Variants in ZNF592 observed in about 807,000 individuals in gnomAD.
ZNF592 encodes the protein zinc finger protein 592.
Under a neutral mutation model 80.3 loss-of-function variants are expected in ZNF592, and 11 were observed. The ratio of observed to expected loss-of-function variants is 0.14; its 90% CI spans 0.09 to 0.23. The LOEUF is 0.23. ZNF592 is among the 10% of genes least tolerant of loss of function. The pLI is 1.00. For synonymous variants in ZNF592, 646 were observed against 640.3 expected (o/e 1.01, Z -0.13); for missense variants, 1,420 against 1,633.9 (o/e 0.87, Z 2.26).
chr15:84,798,407 G>A lies in ZNF592; in HGVS notation c.2669G>A (p.Gly890Asp). Reference protein sequence around the residue: ...FYQNVSKTQVGVFKCPECPLL... With the variant: ...FYQNVSKTQVDVFKCPECPLL... Reference sequence around the variant, plus strand: ...CAGAATGTCAGCAAGACGCAGGTGGGCGTCTTCAAGTGCCCTGAGTGCCCA... The same window carrying A: ...CAGAATGTCAGCAAGACGCAGGTGGACGTCTTCAAGTGCCCTGAGTGCCCA... The change falls in exon 7 of 11, where the codon GGC becomes GAC. Residue 890 changes from glycine to aspartate, a missense_variant. Physicochemically the swap from Gly to Asp is moderately conservative, Grantham distance 94. Transcript: ENST00000560079. This position sits in a 1 kb window ranked among gnomAD's most constrained non-coding sequence, Gnocchi z 4.5. 1 of 1,614,190 alleles carries A rather than the reference G, an allele frequency of 6.2e-7. No individual in the cohort carries two copies. Among genetic ancestry groups the A allele is most frequent in the Non-Finnish European group, 8.5e-7 (1 of 1,180,030 alleles).
At chr15:84,754,233 C>T (rs1269397347) in intron 1 of ZNF592, among the ~76,000 whole-genome samples, 4 of 152,160 alleles carry the variant, frequency 2.6e-5, no homozygotes, top group South Asian at 2.1e-4. Context: ...TTACCTTTTC[C>T]ATTTCAGATT....
chr15:84,784,324 T>C lies in ZNF592; in HGVS notation c.1649T>C (p.Leu550Pro). The C allele has an allele frequency of 1.2e-6, 2 of 1,614,208 alleles. No homozygotes were observed. The highest frequency in any genetic ancestry group is 1.7e-6 in the Non-Finnish European group (2 of 1,180,032). The change falls in exon 4 of 11, where the codon CTG becomes CCG. Residue 550 changes from leucine to proline, a missense_variant. Around this residue, in one of 7 missense-constraint regions of ZNF592, gnomAD observed 524 missense variants for 628.3 expected, o/e 0.83. Transcript: ENST00000560079. This position sits in a 1 kb window ranked among gnomAD's most constrained non-coding sequence, Gnocchi z 5.8. ...LVHQVKKAAP[L>P]IVEVFNKVLH... is the part of the protein sequence containing the mutation. ...CACCAGGTGAAAAAGGCTGCCCCAC[T>C]GATTGTAGAGGTCTTCAACAAGGTC...
At chr15:84,786,992 A>G (rs1195625805) in intron 4 of ZNF592, among the ~76,000 whole-genome samples, 1 of 151,826 alleles carries the variant, frequency 6.6e-6, no homozygotes, top group Non-Finnish European at 1.5e-5. Context: ...CTGCGACTAC[A>G]GGTGTGCGCC....
chr15:84,791,960 AT>A (rs1962761866), intron 5 of ZNF592, among the ~76,000 whole-genome samples: 1 of 152,220 alleles, frequency 6.6e-6, no homozygotes, highest in South Asian at 2.1e-4. Flanking sequence ...CTTGGCAGAC[AT>A]TTGGACTTTA....
At chr15:84,772,244 G>C (rs1040851459) in intron 2 of ZNF592, among the ~76,000 whole-genome samples, 2 of 152,038 alleles carry the variant, frequency 1.3e-5, no homozygotes, top group Non-Finnish European at 2.9e-5. Context: ...GTGGTGTCTC[G>C]ATGATTAATG....
Position 84,784,684 on chromosome 15 carries a change from C to T in ZNF592, c.2009C>T (p.Thr670Met), listed in dbSNP as rs139025399. The change falls in exon 4 of 11, where the codon ACG becomes ATG. Residue 670 changes from threonine to methionine, a missense_variant. Physicochemically the swap from Thr to Met is moderately conservative, Grantham distance 81. Transcript: ENST00000560079. This position sits in a 1 kb window ranked among gnomAD's most constrained non-coding sequence, Gnocchi z 5.8. ...QMFVSAPVNSTAPAAPAPSSS... is the reference protein window; with the variant it reads ...QMFVSAPVNSMAPAAPAPSSS... ...TTCGTGTCGGCCCCTGTGAACTCCA[C>T]GGCACCAGCAGCCCCAGCCCCTTCA... is the stretch of plus-strand genomic sequence containing the variant. 375 of 1,613,984 alleles carry T rather than the reference C, an allele frequency of 2.3e-4. No individual in the cohort carries two copies. Among genetic ancestry groups the T allele is most frequent in the Middle Eastern group, 4.9e-4 (3 of 6,084 alleles).
intron 5 of ZNF592, among the ~76,000 whole-genome samples, chr15:84,796,266 T>A (rs1461889033): frequency 1.7e-3 from 77 of 44,266 alleles, no homozygotes; most frequent in South Asian, 6.4e-3. Flanking sequence ...ATATATATAT[T>A]TTATATATAT....
At chr15:84,763,526 A>G (rs1294271589) in intron 1 of ZNF592, among the ~76,000 whole-genome samples, 1 of 152,160 alleles carries the variant, frequency 6.6e-6, no homozygotes, top group Non-Finnish European at 1.5e-5. Flanking sequence ...TTTTGTCCTC[A>G]TTTGGACAGC....
rs752555808 is a variant in ZNF592 at position 84,783,927 on chromosome 15, C to A, written c.1252C>A (p.Pro418Thr). 3 of 1,614,078 alleles carry A rather than the reference C, an allele frequency of 1.9e-6. No homozygotes were observed. In the South Asian group the frequency reaches 3.3e-5, roughly 18 times the overall value. ...TCTAGGGAGCGCCATTGCAGAGGCC[C>A]CCAGCGAGATGCCAGGGGATGAGGT... ...SPLGSAIAEA[P>T]SEMPGDEVPV... The change falls in exon 4 of 11, where the codon CCC becomes ACC. Residue 418 changes from proline (P) to threonine (T), a missense_variant. By Grantham distance (38) the Pro-to-Thr change is conservative. Around this residue, in one of 7 missense-constraint regions of ZNF592, gnomAD observed 524 missense variants for 628.3 expected, o/e 0.83. Coordinates refer to ENST00000560079, the MANE Select transcript of ZNF592 (RefSeq NM_014630.3). This position sits in a 1 kb window ranked among gnomAD's most constrained non-coding sequence, Gnocchi z 5.0.
chr15:84,776,027 A>G (rs17600551), intron 2 of ZNF592, among the ~76,000 whole-genome samples: 30,761 of 152,272 alleles, frequency 0.2, 3,830 homozygotes, highest in Middle Eastern at 0.37. Flanking sequence ...TCATATTGTT[A>G]CATAATTCCA....
Position 84,782,896 on chromosome 15 carries a change from G to A in ZNF592, c.221G>A (p.Ser74Asn). The change falls in exon 4 of 11, where the codon AGC becomes AAC. Residue 74 changes from serine (S) to asparagine (N), a missense_variant. Coordinates refer to ENST00000560079, the MANE Select transcript of ZNF592 (RefSeq NM_014630.3). ...GTGAGTGTCATTGTCAAGAACACCA[G>A]CCGCCAGGAGTCATTTGAAGCGGAG... ...PAVSVIVKNTSRQESFEAEKD... is the reference protein window; with the variant it reads ...PAVSVIVKNTNRQESFEAEKD... 1 of 1,614,168 alleles carries A rather than the reference G, an allele frequency of 6.2e-7. No homozygotes were observed. The highest frequency in any genetic ancestry group is 8.5e-7 in the Non-Finnish European group (1 of 1,180,026).
chr15:84,777,710 T>C (rs1189553289), intron 2 of ZNF592, among the ~76,000 whole-genome samples: 1 of 142,902 alleles, frequency 7.0e-6, no homozygotes, highest in African/African-American at 2.6e-5. Context: ...TTTTTTTTTT[T>C]TTTTTTTGAG....
At chr15:84,782,497 A>G (rs1326697316) in intron 3 of ZNF592, among the ~76,000 whole-genome samples, 160 bp from the exon 4 acceptor site, 1 of 151,888 alleles carries the variant, frequency 6.6e-6, no homozygotes, top group Non-Finnish European at 1.5e-5. Flanking sequence ...CATTTTAGAA[A>G]CCTGTTGGGG....
intron 1 of ZNF592, among the ~76,000 whole-genome samples, chr15:84,759,105 G>A (rs1456877128): frequency 1.3e-5 from 2 of 152,072 alleles, no homozygotes; most frequent in Non-Finnish European, 2.9e-5. Context: ...TTCTAATTAA[G>A]AACAGTATTC....
chr15:84,804,045 A>C lies in ZNF592; in HGVS notation c.*1652A>C, dbSNP rs1359162654. On this transcript the variant is annotated 3_prime_UTR_variant, in exon 11 of 11. Coordinates refer to ENST00000560079, the MANE Select transcript of ZNF592 (RefSeq NM_014630.3). The stretch of plus-strand genomic sequence containing the variant: ...AAAAATACATTTTTTCCCCTCTATC[A>C]AATGCCAAGTTTTTAGTGGAAATGC... The C allele has an allele frequency of 6.6e-6, 1 of 152,238 alleles. No homozygotes were observed. Among genetic ancestry groups the C allele is most frequent in the Non-Finnish European group, 1.5e-5 (1 of 68,050 alleles). The allele number at this position is 152,238 out of a possible 1,614,324, so 9.4% of individuals were successfully genotyped here. A position where few individuals can be genotyped will look rare whatever the true frequency, so the allele number is the denominator to read the frequency against.
intron 5 of ZNF592, among the ~76,000 whole-genome samples, chr15:84,794,598 T>A (rs201985008): frequency 6.6e-6 from 1 of 151,982 alleles, no homozygotes; most frequent in African/African-American, 2.4e-5. Context: ...CACCTCAGCC[T>A]CCTGAATAGC....
At chr15:84,770,651 A>G (rs1296248026) in intron 2 of ZNF592, among the ~76,000 whole-genome samples, 1 of 151,916 alleles carries the variant, frequency 6.6e-6, no homozygotes, top group African/African-American at 2.4e-5. Context: ...AAAAATGAAG[A>G]GTTTGGACTA....
intron 1 of ZNF592, among the ~76,000 whole-genome samples, chr15:84,750,020 G>GA (rs1220653727): frequency 6.6e-6 from 1 of 152,252 alleles, no homozygotes; most frequent in South Asian, 2.1e-4. Flanking sequence ...TAATAGTCGT[G>GA]GCCGGGCGCG....
At chr15:84,756,923 T>G (rs377408449) in intron 1 of ZNF592, among the ~76,000 whole-genome samples, 1 of 151,842 alleles carries the variant, frequency 6.6e-6, no homozygotes, top group Admixed American at 6.6e-5. Flanking sequence ...ACCAGCCTGG[T>G]CAACATGGTG....
Sources: allele counts gnomAD v4.1 joint callset (sites outside exome capture counted in the v4.1 genomes callset), GRCh38; gene constraint gnomAD v4.1.1; regional missense constraint gnomAD v4.1.1; non-coding constraint Gnocchi (gnomAD v3.1); transcripts MANE v1.5; gene names NCBI Gene and HGNC (gene_info 2026-07-23, HGNC 2026-07-21).